The following FRMD3 variants were observed in gnomAD, a reference collection of about 807,000 sequenced individuals.
FRMD3 encodes the protein FERM domain containing 3, also known as FERM domain-containing protein 3.
FRMD3 carries 33 observed loss-of-function variants against 70.2 expected under a neutral mutation model. The ratio of observed to expected loss-of-function variants is 0.47; its 90% CI spans 0.36 to 0.63. The LOEUF (loss-of-function observed/expected upper bound fraction) is 0.63. FRMD3 is among the 20% of genes least tolerant of loss of function. The pLI is 0.00. For synonymous variants in FRMD3, 279 were observed against 255.9 expected, an observed-to-expected ratio of 1.09 and a Z score of -0.86; for missense variants, 632 against 711.4, an observed-to-expected ratio of 0.89 and a Z score of 1.27.
chr9:83,538,070 C>A lies in FRMD3; in HGVS notation c.147+15G>T, dbSNP rs199668767. 3 of 1,610,620 alleles carry A rather than the reference C, an allele frequency of 1.9e-6. No individual in the cohort carries two copies. Among genetic ancestry groups the A allele is most frequent in the Non-Finnish European group, 2.5e-6 (3 of 1,177,662 alleles). ...CCGGCGTGTGCCCCGCGCCCTCGCC[C>A]GGTTCCACGCGCACCTGGATGTGGC... is the stretch of plus-strand genomic sequence containing the variant. On this transcript the variant is annotated intron_variant, in intron 1 of 13. Coordinates refer to ENST00000304195, the MANE Select transcript of FRMD3 (RefSeq NM_174938.6). The surrounding 1 kb of genome is among the most constrained non-coding windows in gnomAD (Gnocchi z 4.7).
chr9:83,552,532 C>A, the FRMD3 span, among the ~76,000 whole-genome samples: 18 of 152,022 alleles, frequency 1.2e-4, no homozygotes, highest in Non-Finnish European at 2.4e-4. Context: ...ATCTTTGTTA[C>A]TTTTCTGCCT....
chr9:83,409,587 C>T (rs184656522), intron 1 of FRMD3, among the ~76,000 whole-genome samples: 90 of 152,352 alleles, frequency 5.9e-4, no homozygotes, highest in Non-Finnish European at 1.1e-3. Flanking sequence ...TGTATGATTA[C>T]AACCACCCAA....
chr9:83,388,057 C>T (rs988884174), intron 2 of FRMD3, among the ~76,000 whole-genome samples: 4 of 152,126 alleles, frequency 2.6e-5, no homozygotes, highest in Non-Finnish European at 4.4e-5. Context: ...CAGGTAAATG[C>T]CTGGACCATC....
intron 13 of FRMD3, among the ~76,000 whole-genome samples, chr9:83,285,492 T>C (rs1834169864): frequency 6.6e-6 from 1 of 152,168 alleles, no homozygotes; most frequent in Non-Finnish European, 1.5e-5. Flanking sequence ...AACAAATATT[T>C]TCAACTCTTA....
chr9:83,444,267 G>C (rs954991002), intron 1 of FRMD3, among the ~76,000 whole-genome samples: 20 of 152,168 alleles, frequency 1.3e-4, no homozygotes, highest in Admixed American at 1.3e-3. Flanking sequence ...AGCTCCTCCT[G>C]ACCAGCCAAT....
At chr9:83,488,972 TTGTGTGTGTGTGTGTGTGTGTGTGTGTG>T (rs4014025) in intron 1 of FRMD3, among the ~76,000 whole-genome samples, 8,059 of 135,640 alleles carry the variant, frequency 0.059, 363 homozygotes, top group East Asian at 0.15. Flanking sequence ...CCCTATACCT[TTGTGTGTGTGTGTGTGTGTGTGTGTGTG>T]TGTGTGTGTG....
rs772170411 is a variant in FRMD3 at position 83,499,149 on chromosome 9, C to T, written c.147+38936G>A. ...AGCAAACCCAACTGAGAGAATGGCA[C>T]GGGAGTGTCTATGTAAACAAAAATT... On this transcript the variant is annotated intron_variant, in intron 1 of 13. Coordinates refer to ENST00000304195, the MANE Select transcript of FRMD3 (RefSeq NM_174938.6). Among the ~76,000 whole-genome samples the T allele has an allele frequency of 7.9e-5, 12 of 152,136 alleles. No homozygotes were observed. In the South Asian group the frequency reaches 8.3e-4, roughly 11 times the overall value.
chr9:83,456,029 G>A lies in FRMD3; in HGVS notation c.148-66321C>T, dbSNP rs562620594. Among the ~76,000 whole-genome samples the A allele has an allele frequency of 1.8e-4, 28 of 152,258 alleles. No individual in the cohort carries two copies. In the South Asian group the frequency reaches 2.3e-3, roughly 12 times the overall value. The stretch of plus-strand genomic sequence containing the variant: ...TATACAAAAAGGTTTACCATGGAAA[G>A]TAAGCCTCCTCCTGCCCTCACCCAC... On this transcript the variant is annotated intron_variant, in intron 1 of 13. Coordinates refer to ENST00000304195, the MANE Select transcript of FRMD3 (RefSeq NM_174938.6).
At chr9:83,486,532 G>T (rs1265748726) in intron 1 of FRMD3, among the ~76,000 whole-genome samples, 1 of 152,140 alleles carries the variant, frequency 6.6e-6, no homozygotes, top group African/African-American at 2.4e-5. Context: ...ATAGATCAAA[G>T]ATTTCAATGT....
intron 10 of FRMD3, 139 bp from the exon 11 acceptor site, chr9:83,299,325 A>G (rs1564002492): frequency 1.7e-6 from 1 of 590,454 alleles, no homozygotes; most frequent in Non-Finnish European, 3.0e-6. Context: ...CATTGTGCAC[A>G]CAAAATATAA....
intron 3 of FRMD3, among the ~76,000 whole-genome samples, chr9:83,363,512 T>G (rs1015751564): frequency 6.6e-6 from 1 of 151,570 alleles, no homozygotes. Flanking sequence ...TTGCTCTAGA[T>G]AGATTTGTAG....
chr9:83,554,218 G>A, the FRMD3 span, among the ~76,000 whole-genome samples: 1 of 152,124 alleles, frequency 6.6e-6, no homozygotes, highest in Admixed American at 6.5e-5. Flanking sequence ...TAATTGTGTG[G>A]CTCCCCTATG....
At chr9:83,467,558 T>C in intron 1 of FRMD3, 3 of 981,280 alleles carry the variant, frequency 3.1e-6, no homozygotes, top group Admixed American at 2.0e-5. Flanking sequence ...ACTCATGACA[T>C]GCATTATGTT....
intron 3 of FRMD3, 59 bp from the exon 4 acceptor site, chr9:83,349,816 C>T: frequency 7.4e-7 from 1 of 1,349,044 alleles, no homozygotes. Flanking sequence ...GCCTCAAACA[C>T]ACACGGGAAA....
intron 3 of FRMD3, among the ~76,000 whole-genome samples, chr9:83,355,855 G>GA (rs1434475957): frequency 6.6e-6 from 1 of 152,150 alleles, no homozygotes; most frequent in Non-Finnish European, 1.5e-5. Flanking sequence ...AGAGAAGGGG[G>GA]AAAAAGTGAA....
Position 83,283,544 on chromosome 9 carries a change from AAAAATAAT to A in FRMD3, c.1195+7051_1195+7058del, listed in dbSNP as rs796354103. On this transcript the variant is annotated intron_variant, in intron 13 of 13. Transcript: ENST00000304195. ...AGAATCCATCTCAAAAAAAAAAAAA[AAAAATAAT>A]AATAATAATAATAATAATAATAATC... Among the ~76,000 whole-genome samples the A allele has an allele frequency of 1.3e-3, 20 of 14,998 alleles. No homozygotes were observed. The South Asian group carries it at 0.079, about 59-fold the overall frequency. 9.8% of individuals were successfully genotyped at this position (14,998 alleles called of 152,430 possible).
rs531244109 is a variant in FRMD3 at position 83,341,441 on chromosome 9, T to C, written c.472+1749A>G. 7.3e-4 allele frequency among the ~76,000 whole-genome samples: 111 copies of C among 152,248 alleles called. 1 individual carries two copies. The highest frequency in any genetic ancestry group is 2.6e-3 in the African/African-American group (108 of 41,570). On this transcript the variant is annotated intron_variant, in intron 5 of 13. Coordinates refer to ENST00000304195, the MANE Select transcript of FRMD3 (RefSeq NM_174938.6). Reference sequence around the variant, plus strand: ...ATTGAGCATGTCCTTGGAGAATTGATGGTAATTCACTAATGCCTAAATGCA... The same window carrying C: ...ATTGAGCATGTCCTTGGAGAATTGACGGTAATTCACTAATGCCTAAATGCA...
chr9:83,375,414 A>G (rs188256941), intron 2 of FRMD3, among the ~76,000 whole-genome samples: 129 of 152,328 alleles, frequency 8.5e-4, no homozygotes, highest in African/African-American at 3.0e-3. Flanking sequence ...GGCCTGGTGT[A>G]TCTCAGTTAC....
intron 1 of FRMD3, among the ~76,000 whole-genome samples, chr9:83,396,897 G>C (rs1825824030): frequency 6.6e-6 from 1 of 152,236 alleles, no homozygotes; most frequent in Non-Finnish European, 1.5e-5. Flanking sequence ...AGGCCAAGAA[G>C]AGCTAAGAGA....
Sources: allele counts gnomAD v4.1 joint callset (sites outside exome capture counted in the v4.1 genomes callset), GRCh38; gene constraint gnomAD v4.1.1; non-coding constraint Gnocchi (gnomAD v3.1); transcripts MANE v1.5; gene names NCBI Gene and HGNC (gene_info 2026-07-23, HGNC 2026-07-21).